IFT122: variants seen among roughly 807,000 people sequenced by gnomAD.
IFT122 encodes intraflagellar transport 122.
In IFT122, 118 loss-of-function variants were observed where a neutral mutation model predicts 161.6. The ratio of observed to expected loss-of-function variants is 0.73; its 90% CI spans 0.63 to 0.85. The LOEUF is 0.85. IFT122 is among the 40% of genes least tolerant of loss of function. IFT122 has a pLI of 0.00. For synonymous variants in IFT122, 550 were observed against 602.4 expected, an observed-to-expected ratio of 0.91 and a Z score of 1.27; for missense variants, 1,381 against 1,579.6, an observed-to-expected ratio of 0.87 and a Z score of 2.13.
At chr3:129,463,405 G>C in intron 5 of IFT122, 155 bp from the exon 6 acceptor site, 1 of 655,014 alleles carries the variant, frequency 1.5e-6, no homozygotes, top group South Asian at 1.7e-5. Context: ...AAATGGAATC[G>C]TACAGTATAT....
intron 8 of IFT122, among the ~76,000 whole-genome samples, chr3:129,468,859 C>T (rs2077074118): frequency 6.6e-6 from 1 of 152,254 alleles, no homozygotes; most frequent in South Asian, 2.1e-4. Context: ...CCCCCGCCTG[C>T]AGGAGAACCT....
At chr3:129,512,842 A>G (rs2082996231) in intron 24 of IFT122, 1 of 247,382 alleles carries the variant, frequency 4.0e-6, no homozygotes, top group Admixed American at 5.2e-5. Context: ...CCAGGTGGCA[A>G]AGCTGCCATC....
intron 9 of IFT122, 98 bp from the exon 10 acceptor site, chr3:129,476,217 A>G: frequency 7.5e-7 from 1 of 1,335,896 alleles, no homozygotes. Flanking sequence ...TGTCTTCCCA[A>G]CTCCCTCTAA....
chr3:129,515,543 T>G lies in IFT122; in HGVS notation c.3209T>G (p.Leu1070Arg). ...ACCAACAACCCGCTGCTCAACAACC[T>G]GGGCAACGTCTGCATCAACTGCCGC... The part of the protein sequence containing the change: ...CSTNNPLLNN[L>R]GNVCINCRQP... Residue 1070 changes from leucine (L) to arginine (R), a missense_variant, in exon 26 of 30, where the codon CTG (leucine) becomes CGG (arginine). Leu to Arg is a moderately radical substitution (Grantham distance 102). Coordinates refer to ENST00000348417, the MANE Select transcript of IFT122 (RefSeq NM_052989.3). 2 of 1,586,808 alleles carry G rather than the reference T, an allele frequency of 1.3e-6. No homozygotes were observed. Among genetic ancestry groups the G allele is most frequent in the South Asian group, 1.1e-5 (1 of 90,232 alleles).
chr3:129,489,911 C>T (rs1003480195), intron 16 of IFT122, among the ~76,000 whole-genome samples: 2 of 151,622 alleles, frequency 1.3e-5, no homozygotes, highest in Non-Finnish European at 2.9e-5. Flanking sequence ...TCTCCTGCCC[C>T]ACCCAGAAAT....
At position 129,465,060 on chromosome 3, in the gene IFT122, C is replaced by T. The variant is rs149872501; in HGVS notation, c.563+279C>T. ...AGGACAGGCCAAAGTGTGTGTGTGG[C>T]GTGTGTGTCTGCGCACATGTGCATG... On this transcript the variant is annotated intron_variant, in intron 7 of 29. Transcript: ENST00000348417. 0.011 allele frequency among the ~76,000 whole-genome samples: 1,667 copies of T among 149,876 alleles called. 12 individuals are homozygous for T. The highest frequency in any genetic ancestry group is 0.03 in the South Asian group (140 of 4,692).
At chr3:129,446,557 T>A (rs979220493) in intron 1 of IFT122, among the ~76,000 whole-genome samples, 1 of 152,032 alleles carries the variant, frequency 6.6e-6, no homozygotes, top group Non-Finnish European at 1.5e-5. Context: ...GTCAGAAAAA[T>A]TTTAAATCAA....
chr3:129,514,671 C>T, intron 25 of IFT122, 117 bp downstream of exon 25: 1 of 1,174,228 alleles, frequency 8.5e-7, no homozygotes, highest in East Asian at 2.4e-5. Context: ...CCTCTAGGCT[C>T]TGTGCCCCCT....
At chr3:129,466,365 T>C (rs1279647961) in intron 7 of IFT122, among the ~76,000 whole-genome samples, 1 of 152,138 alleles carries the variant, frequency 6.6e-6, no homozygotes, top group Non-Finnish European at 1.5e-5. Context: ...CTGTTTGATT[T>C]GTGGCTGCAG....
chr3:129,441,143 G>A (rs2073029057), intron 1 of IFT122, among the ~76,000 whole-genome samples: 2 of 152,192 alleles, frequency 1.3e-5, no homozygotes, highest in African/African-American at 4.8e-5. Context: ...ATAGCAGTCT[G>A]TTTTGTCATA....
chr3:129,442,796 C>T (rs181161475), intron 1 of IFT122, among the ~76,000 whole-genome samples: 13 of 152,274 alleles, frequency 8.5e-5, no homozygotes, highest in Admixed American at 2.6e-4. Context: ...CATGTCAAGT[C>T]GTGCATTTTG....
chr3:129,491,979 G>A (rs540715971), intron 16 of IFT122, among the ~76,000 whole-genome samples, 162 bp from the exon 17 acceptor site: 1 of 152,276 alleles, frequency 6.6e-6, no homozygotes, highest in South Asian at 2.1e-4. Flanking sequence ...GCCTCGCTGG[G>A]TGGTATAACC....
chr3:129,514,820 C>A, intron 25 of IFT122: 1 of 567,110 alleles, frequency 1.8e-6, no homozygotes, highest in South Asian at 2.0e-5. Context: ...TTGCCCTCCC[C>A]TAGGCAAGCC....
chr3:129,444,278 A>G (rs2073680541), intron 1 of IFT122, among the ~76,000 whole-genome samples: 1 of 152,278 alleles, frequency 6.6e-6, no homozygotes, highest in South Asian at 2.1e-4. Context: ...AGAAACAAGG[A>G]AGGCCCAGGT....
intron 3 of IFT122, chr3:129,457,865 A>G (rs2075715265): frequency 6.3e-6 from 1 of 157,718 alleles, no homozygotes. Context: ...CCTCCAGAGT[A>G]GCTGGGACTA....
chr3:129,481,687 T>A lies in IFT122; in HGVS notation c.1646T>A (p.Leu549His). ...LVYDIDTKEL[L>H]FQEPNANSVA... ...TATGACATCGACACCAAGGAGCTGC[T>A]TTTTCAGGTGAAGTCCCTGAGGGGG... Residue 549 changes from leucine to histidine, a missense_variant, in exon 14 of 30, where the codon CTT becomes CAT. By Grantham distance (99) the Leu-to-His change is moderately conservative. Around this residue, in one of 7 missense-constraint regions of IFT122, gnomAD observed 544 missense variants for 648.0 expected, o/e 0.84. Transcript: ENST00000348417. 1 of 1,613,910 alleles carries A rather than the reference T, an allele frequency of 6.2e-7. No individual in the cohort carries two copies. Among genetic ancestry groups the A allele is most frequent in the African/African-American group, 1.3e-5 (1 of 75,042 alleles).
chr3:129,496,126 C>G (rs1441331918), intron 18 of IFT122, among the ~76,000 whole-genome samples: 2 of 152,172 alleles, frequency 1.3e-5, no homozygotes, highest in African/African-American at 4.8e-5. Flanking sequence ...CGCAGCATGC[C>G]TCACGCCTGC....
chr3:129,491,969 G>T (rs1200070999), intron 16 of IFT122, among the ~76,000 whole-genome samples, 172 bp from the exon 17 acceptor site: 1 of 152,186 alleles, frequency 6.6e-6, no homozygotes, highest in Non-Finnish European at 1.5e-5. Flanking sequence ...ATAAAGCCAT[G>T]CCTCGCTGGG....
intron 8 of IFT122, 137 bp from the exon 9 acceptor site, chr3:129,469,204 CT>C: frequency 2.7e-6 from 2 of 737,562 alleles, no homozygotes; most frequent in Non-Finnish European, 4.9e-6. Context: ...CAAATTATAA[CT>C]TTTGGCTTCA....
Sources: gnomAD v4.1 joint callset for allele counts (sites outside exome capture counted in the v4.1 genomes callset) on GRCh38, gnomAD v4.1.1 for gene constraint, gnomAD v4.1.1 regional missense constraint, MANE v1.5 for transcripts, NCBI Gene and HGNC (gene_info 2026-07-23, HGNC 2026-07-21) for gene names.